PTPRD: variants seen among roughly 807,000 people sequenced by gnomAD.
PTPRD encodes the protein receptor-type tyrosine-protein phosphatase delta.
In PTPRD, 34 loss-of-function variants were observed where a neutral mutation model predicts 214.5. That is an observed-to-expected ratio of 0.16 (90% CI 0.12 to 0.21). The LOEUF (loss-of-function observed/expected upper bound fraction) is 0.21. Among genes scored for constraint, PTPRD ranks in the 10% least tolerant of loss-of-function variants. The pLI is 1.00. For missense variants in PTPRD, 2,545 were observed against 2,398.7 expected (o/e 1.06, Z -1.27); for synonymous variants, 1,128 against 845.7 (o/e 1.33, Z -5.79).
intron 39 of PTPRD, among the ~76,000 whole-genome samples, chr9:8,367,320 G>C (rs1454368366): frequency 6.6e-6 from 1 of 152,088 alleles, no homozygotes; most frequent in African/African-American, 2.4e-5. Context: ...ACCATAAGCA[G>C]TGGTTTTCAT....
At chr9:10,451,038 T>C (rs1278194688) in intron 2 of PTPRD, among the ~76,000 whole-genome samples, 1 of 152,024 alleles carries the variant, frequency 6.6e-6, no homozygotes, top group African/African-American at 2.4e-5. Flanking sequence ...ATAGATAATC[T>C]TGACACTTTA....
intron 7 of PTPRD, among the ~76,000 whole-genome samples, chr9:9,729,901 CTG>C (rs967649086): frequency 6.6e-5 from 10 of 151,988 alleles, no homozygotes; most frequent in African/African-American, 1.2e-4. Context: ...ACTTTAATAA[CTG>C]TGTATAATGT....
intron 3 of PTPRD, among the ~76,000 whole-genome samples, chr9:10,213,513 A>G (rs1387875146): frequency 6.6e-6 from 1 of 152,126 alleles, no homozygotes; most frequent in East Asian, 1.9e-4. Context: ...GGAAGTTTGG[A>G]TCACACATCT....
chr9:8,450,783 T>C (rs1473209432), intron 33 of PTPRD, among the ~76,000 whole-genome samples: 1 of 152,200 alleles, frequency 6.6e-6, no homozygotes. Context: ...CTAACTATCT[T>C]CTTCCAGTTT....
At chr9:9,602,444 T>C (rs2093843644) in intron 7 of PTPRD, among the ~76,000 whole-genome samples, 1 of 152,022 alleles carries the variant, frequency 6.6e-6, no homozygotes, top group Non-Finnish European at 1.5e-5. Context: ...ACAATAACCA[T>C]CAATTCCTTC....
At chr9:10,457,617 G>A (rs1293542459) in intron 2 of PTPRD, among the ~76,000 whole-genome samples, 1 of 151,912 alleles carries the variant, frequency 6.6e-6, no homozygotes, top group Non-Finnish European at 1.5e-5. Context: ...AACTATTACT[G>A]GATCAAAGAG....
intron 4 of PTPRD, among the ~76,000 whole-genome samples, chr9:9,957,697 A>C (rs1476032964): frequency 2.0e-5 from 3 of 152,158 alleles, no homozygotes; most frequent in Middle Eastern, 3.2e-3. Context: ...TGAATCCTAA[A>C]ATTTATATGA....
chr9:8,635,697 G>A (rs774548494), intron 13 of PTPRD, among the ~76,000 whole-genome samples: 19 of 151,996 alleles, frequency 1.3e-4, no homozygotes, highest in Non-Finnish European at 2.4e-4. Flanking sequence ...CTGTAAATTA[G>A]GTCATGAAGG....
chr9:8,463,976 T>A (rs2096486282), intron 32 of PTPRD, among the ~76,000 whole-genome samples: 1 of 151,950 alleles, frequency 6.6e-6, no homozygotes, highest in East Asian at 1.9e-4. Flanking sequence ...AAAGCAATGC[T>A]GAGAAAGATG....
At chr9:8,922,124 A>G (rs2098832127) in intron 11 of PTPRD, among the ~76,000 whole-genome samples, 1 of 152,200 alleles carries the variant, frequency 6.6e-6, no homozygotes, top group African/African-American at 2.4e-5. Flanking sequence ...TCATGTTAAT[A>G]CTTATTAAAA....
At chr9:10,370,204 A>C (rs2097583590) in intron 2 of PTPRD, among the ~76,000 whole-genome samples, 1 of 152,052 alleles carries the variant, frequency 6.6e-6, no homozygotes, top group Admixed American at 6.6e-5. Context: ...TTATTTTCAC[A>C]GTTCTTATGT....
At chr9:8,935,509 C>G (rs563638299) in intron 11 of PTPRD, among the ~76,000 whole-genome samples, 1 of 152,068 alleles carries the variant, frequency 6.6e-6, no homozygotes, top group Non-Finnish European at 1.5e-5. Context: ...AAAATATCAT[C>G]CAAAGAGAAA....
intron 7 of PTPRD, among the ~76,000 whole-genome samples, chr9:9,586,713 G>C (rs749260023): frequency 6.6e-6 from 1 of 151,942 alleles, no homozygotes; most frequent in African/African-American, 2.4e-5. Context: ...GATATAGTCA[G>C]AGAACATCTA....
intron 2 of PTPRD, among the ~76,000 whole-genome samples, chr9:10,410,765 A>G (rs1189653825): frequency 6.6e-6 from 1 of 151,804 alleles, no homozygotes; most frequent in Non-Finnish European, 1.5e-5. Context: ...ATAAAAGTAA[A>G]GAAGTGTAAG....
At chr9:10,004,829 C>A (rs1489558621) in intron 4 of PTPRD, among the ~76,000 whole-genome samples, 1 of 152,088 alleles carries the variant, frequency 6.6e-6, no homozygotes, top group African/African-American at 2.4e-5. Flanking sequence ...TGAAAGTTGT[C>A]ACACTGAGAT....
At chr9:9,180,068 A>T (rs550094228) in intron 10 of PTPRD, among the ~76,000 whole-genome samples, 1 of 152,084 alleles carries the variant, frequency 6.6e-6, no homozygotes, top group Non-Finnish European at 1.5e-5. Flanking sequence ...CGATTGCGCC[A>T]CTGGATGACC....
chr9:9,090,480 A>C (rs1183241849), intron 10 of PTPRD, among the ~76,000 whole-genome samples: 1 of 152,200 alleles, frequency 6.6e-6, no homozygotes, highest in African/African-American at 2.4e-5. Context: ...ATTGTACCAC[A>C]TGGGTAATGG....
At chr9:9,352,842 T>A (rs1381806847) in intron 9 of PTPRD, among the ~76,000 whole-genome samples, 1 of 151,974 alleles carries the variant, frequency 6.6e-6, no homozygotes, top group African/African-American at 2.4e-5. Context: ...GAAAAAGTCA[T>A]GCATAAAAAA....
chr9:9,608,322 C>T, intron 7 of PTPRD, among the ~76,000 whole-genome samples: 1 of 152,166 alleles, frequency 6.6e-6, no homozygotes. Context: ...TTTAAAGCCT[C>T]TGGTGCATGG....
Sources: gnomAD v4.1 joint callset for allele counts (sites outside exome capture counted in the v4.1 genomes callset) on GRCh38, gnomAD v4.1.1 for gene constraint, MANE v1.5 for transcripts, NCBI Gene and HGNC (gene_info 2026-07-23, HGNC 2026-07-21) for gene names.